The following DPP10 variants were observed in gnomAD, a reference collection of about 807,000 sequenced individuals.
DPP10 encodes inactive dipeptidyl peptidase 10.
In DPP10, 33 loss-of-function variants were observed where a neutral mutation model predicts 120.9. That is an observed-to-expected ratio of 0.27 (90% CI 0.21 to 0.37). DPP10 has a LOEUF of 0.37. DPP10 is among the 10% of genes least tolerant of loss of function. DPP10 has a pLI of 1.00. For synonymous variants in DPP10, 337 were observed against 326.1 expected (o/e 1.03, Z -0.36); for missense variants, 816 against 942.8 (o/e 0.87, Z 1.76).
chr2:114,677,963 G>T (rs2105685695), intron 1 of DPP10, among the ~76,000 whole-genome samples: 1 of 152,172 alleles, frequency 6.6e-6, no homozygotes, highest in Non-Finnish European at 1.5e-5. Context: ...ATTCCACAAA[G>T]TGAAAGATAT....
intron 1 of DPP10, among the ~76,000 whole-genome samples, chr2:114,975,832 G>A (rs1699719894): frequency 6.6e-6 from 1 of 151,992 alleles, no homozygotes; most frequent in Non-Finnish European, 1.5e-5. Context: ...TGTATTTTTA[G>A]TAGAGATGGG....
At chr2:115,709,430 T>G (rs538443708) in intron 7 of DPP10, among the ~76,000 whole-genome samples, 1 of 152,228 alleles carries the variant, frequency 6.6e-6, no homozygotes, top group East Asian at 1.9e-4. Context: ...CTATTCTAAC[T>G]GTATTTCCTG....
At chr2:114,763,684 T>A (rs1680471036) in intron 1 of DPP10, among the ~76,000 whole-genome samples, 1 of 152,138 alleles carries the variant, frequency 6.6e-6, no homozygotes, top group Non-Finnish European at 1.5e-5. Flanking sequence ...GAAGGGACCA[T>A]GTTTAATGGG....
chr2:114,582,175 C>A (rs1178179461), intron 1 of DPP10, among the ~76,000 whole-genome samples: 1 of 152,172 alleles, frequency 6.6e-6, no homozygotes, highest in Non-Finnish European at 1.5e-5. Flanking sequence ...CATAGTTTTG[C>A]CTTTTCCAGA....
At chr2:115,816,645 TCTCA>T (rs1488067014) in intron 21 of DPP10, among the ~76,000 whole-genome samples, 8 of 144,988 alleles carry the variant, frequency 5.5e-5, no homozygotes, top group Non-Finnish European at 9.0e-5. Context: ...TGAGACGGAG[TCTCA>T]CTCTGTTGCC....
intron 5 of DPP10, among the ~76,000 whole-genome samples, chr2:115,573,668 A>C (rs1287863556): frequency 7.0e-6 from 1 of 143,708 alleles, no homozygotes; most frequent in Non-Finnish European, 1.5e-5. Context: ...GCTCACTGCA[A>C]CCTCCGCCTC....
chr2:115,307,211 A>G (rs2061392130), intron 1 of DPP10, among the ~76,000 whole-genome samples: 1 of 152,102 alleles, frequency 6.6e-6, no homozygotes. Flanking sequence ...ACATAATAAT[A>G]TATATAAGCT....
chr2:115,002,240 T>G (rs1205591910), intron 1 of DPP10, among the ~76,000 whole-genome samples: 1 of 151,916 alleles, frequency 6.6e-6, no homozygotes, highest in Non-Finnish European at 1.5e-5. Flanking sequence ...CCATCAGATC[T>G]TAGAAAAAGC....
chr2:114,691,336 T>A (rs939092285), intron 1 of DPP10, among the ~76,000 whole-genome samples: 1 of 152,158 alleles, frequency 6.6e-6, no homozygotes, highest in Admixed American at 6.6e-5. Flanking sequence ...GTGGTTTTTG[T>A]CTATAGTTCT....
chr2:115,460,998 C>G (rs1463520504), intron 3 of DPP10, among the ~76,000 whole-genome samples: 1 of 152,072 alleles, frequency 6.6e-6, no homozygotes, highest in Admixed American at 6.6e-5. Flanking sequence ...AGTGTGTATT[C>G]TGCAGATATG....
At position 114,767,247 on chromosome 2, in the gene DPP10, G is replaced by A. The variant is rs181738440; in HGVS notation, c.60+324409G>A. On this transcript the variant is annotated intron_variant, in intron 1 of 25. Coordinates refer to ENST00000410059, the MANE Select transcript of DPP10 (RefSeq NM_020868.6). ...AAAAAAAAAGTTTTAAACTGAAAGA[G>A]TGAAAGATAGATTTGAAGGAAATAG... Among the ~76,000 whole-genome samples the A allele has an allele frequency of 2.3e-4, 29 of 124,458 alleles. No homozygotes were observed. The East Asian group carries it at 6.5e-3, about 28-fold the overall frequency. The allele number at this position is 124,458 out of a possible 152,430, so 81.6% of individuals were successfully genotyped here.
At chr2:115,664,669 AC>A (rs2089297122) in intron 5 of DPP10, among the ~76,000 whole-genome samples, 1 of 152,126 alleles carries the variant, frequency 6.6e-6, no homozygotes, top group African/African-American at 2.4e-5. Flanking sequence ...TGAGCTCACC[AC>A]CTCCTGTGCT....
chr2:115,281,289 G>C (rs976172702), intron 1 of DPP10, among the ~76,000 whole-genome samples: 1 of 152,190 alleles, frequency 6.6e-6, no homozygotes, highest in Admixed American at 6.5e-5. Flanking sequence ...TGTGCTTGCT[G>C]ATCTGTGTTC....
chr2:115,459,899 A>T (rs2073878940), intron 3 of DPP10, among the ~76,000 whole-genome samples: 1 of 138,710 alleles, frequency 7.2e-6, no homozygotes, highest in South Asian at 2.4e-4. Context: ...AATTATTTTC[A>T]AGGCTTACAT....
intron 1 of DPP10, among the ~76,000 whole-genome samples, chr2:114,609,725 G>A (rs1277123941): frequency 6.6e-6 from 1 of 152,140 alleles, no homozygotes; most frequent in Non-Finnish European, 1.5e-5. Context: ...ATTCCTAATG[G>A]AAAGGGTTCC....
rs192584687 is a variant in DPP10 at position 114,664,175 on chromosome 2, G to A, written c.60+221337G>A. ...TGCACTCAAAGCTAGCTCTTTCAGA[G>A]CTGCTCTCTGGAACTCAGGCAAAAC... On this transcript the variant is annotated intron_variant, in intron 1 of 25. Coordinates refer to ENST00000410059, the MANE Select transcript of DPP10 (RefSeq NM_020868.6). Among the ~76,000 whole-genome samples the A allele has an allele frequency of 2.0e-5, 3 of 152,126 alleles. No individual in the cohort carries two copies. In the East Asian group the frequency reaches 5.8e-4, roughly 30 times the overall value.
At chr2:115,719,491 G>A (rs1159229268) in intron 7 of DPP10, among the ~76,000 whole-genome samples, 1 of 152,128 alleles carries the variant, frequency 6.6e-6, no homozygotes, top group African/African-American at 2.4e-5. Flanking sequence ...ATAGAGAAAT[G>A]AAAGCAGTGC....
At chr2:114,870,411 A>G (rs756044047) in intron 1 of DPP10, among the ~76,000 whole-genome samples, 42 of 152,150 alleles carry the variant, frequency 2.8e-4, no homozygotes, top group Non-Finnish European at 4.4e-4. Context: ...AGTGATTGTA[A>G]ACAGTATTGA....
chr2:114,451,053 AT>A (rs1449662309), intron 1 of DPP10, among the ~76,000 whole-genome samples: 3 of 152,110 alleles, frequency 2.0e-5, no homozygotes, highest in African/African-American at 7.2e-5. Context: ...AGTAAATAGC[AT>A]AAAATTACTT....
Sources: allele counts gnomAD v4.1 joint callset (sites outside exome capture counted in the v4.1 genomes callset), GRCh38; gene constraint gnomAD v4.1.1; transcripts MANE v1.5; gene names NCBI Gene and HGNC (gene_info 2026-07-23, HGNC 2026-07-21).